Variants in ANKAR observed in about 807,000 individuals in gnomAD.
ANKAR encodes the protein ankyrin and armadillo repeat-containing protein.
ANKAR carries 136 observed loss-of-function variants against 146.2 expected under a neutral mutation model. The ratio of observed to expected loss-of-function variants is 0.93; its 90% CI spans 0.81 to 1.07. ANKAR has a LOEUF of 1.07. Ranked by LOEUF, ANKAR falls within the 50% of genes least tolerant of loss-of-function variation. The probability of loss-of-function intolerance (pLI) is 0.00; values close to 1 mark genes in which losing one functional copy is unlikely to be tolerated. For missense variants in ANKAR, 1,567 were observed against 1,679.9 expected (o/e 0.93, Z 1.18); for synonymous variants, 500 against 575.8 (o/e 0.87, Z 1.88).
At chr2:189,704,853 C>T (rs2038704025) in intron 7 of ANKAR, among the ~76,000 whole-genome samples, 170 bp from the exon 8 acceptor site, 1 of 147,174 alleles carries the variant, frequency 6.8e-6, no homozygotes, top group African/African-American at 2.5e-5. Flanking sequence ...ATTTTTAATC[C>T]TGAGTTAAAT....
At chr2:189,717,088 A>G (rs2040565089) in intron 10 of ANKAR, among the ~76,000 whole-genome samples, 1 of 152,204 alleles carries the variant, frequency 6.6e-6, no homozygotes, top group Non-Finnish European at 1.5e-5. Flanking sequence ...AAATAGACAA[A>G]TGGGATCTAA....
chr2:189,728,701 C>T lies in ANKAR; in HGVS notation c.3073C>T (p.His1025Tyr), dbSNP rs2042118406. 6.2e-7 allele frequency: 1 copy of T among 1,613,970 alleles called. No individual in the cohort carries two copies. The highest frequency in any genetic ancestry group is 8.5e-7 in the Non-Finnish European group (1 of 1,179,914). The change falls in exon 15 of 23, where the codon CAT becomes TAT. Residue 1025 changes from histidine (H) to tyrosine (Y), a missense_variant. By Grantham distance (83) the His-to-Tyr change is moderately conservative. Transcript: ENST00000684021. ...AGCTCTAAGTAAGGACAGCAGGATG[C>T]ATCAAAATCAAATATGTGAAGGGAA... ...VIALSKDSRMHQNQICEGNGI... is the reference protein window; with the variant it reads ...VIALSKDSRMYQNQICEGNGI...
intron 12 of ANKAR, among the ~76,000 whole-genome samples, chr2:189,724,816 T>G (rs959795450): frequency 6.6e-5 from 10 of 152,162 alleles, no homozygotes; most frequent in Admixed American, 5.2e-4. Context: ...CACTTTTCTA[T>G]TTAGTTTTGC....
Position 189,677,060 on chromosome 2 carries a change from T to TA in ANKAR, c.573dup (p.Asp192ArgfsTer7). 1 of 1,572,186 alleles carries TA rather than the reference T, an allele frequency of 6.4e-7. No homozygotes were observed. The highest frequency in any genetic ancestry group is 8.6e-7 in the Non-Finnish European group (1 of 1,165,514). On this transcript the variant is annotated frameshift_variant, in exon 2 of 23. Coordinates refer to ENST00000684021, the MANE Select transcript of ANKAR (RefSeq NM_001378068.1). LOFTEE classifies it high-confidence loss of function. Reference sequence around the variant, plus strand: ...ATCCTGATGGAAAACCTCAAACAAATAAAGACATTTTTTCAGAGTTTAGTT... The same window carrying TA: ...ATCCTGATGGAAAACCTCAAACAAATAAAAGACATTTTTTCAGAGTTTAGTT...
intron 18 of ANKAR, chr2:189,755,401 G>A: frequency 1.2e-6 from 2 of 1,612,418 alleles, no homozygotes; most frequent in South Asian, 2.2e-5. Flanking sequence ...TAAATGATAA[G>A]CCCACTCCCA....
intron 12 of ANKAR, among the ~76,000 whole-genome samples, chr2:189,723,389 A>C (rs1193592006): frequency 6.6e-6 from 1 of 152,172 alleles, no homozygotes; most frequent in African/African-American, 2.4e-5. Context: ...TTCTGATTTC[A>C]TATGGTACCC....
At chr2:189,729,097 C>T (rs2042154665) in intron 15 of ANKAR, among the ~76,000 whole-genome samples, 1 of 152,130 alleles carries the variant, frequency 6.6e-6, no homozygotes, top group Admixed American at 6.6e-5. Context: ...TGAAAGCAAT[C>T]TCTTTTTTAA....
At chr2:189,741,667 A>G (rs980094468) in intron 20 of ANKAR, among the ~76,000 whole-genome samples, 1 of 152,188 alleles carries the variant, frequency 6.6e-6, no homozygotes, top group Non-Finnish European at 1.5e-5. Flanking sequence ...TTAGTCATAC[A>G]TATCTGCCAT....
rs2043648502 is a variant in ANKAR, at chr2:189,743,433, A to T, written c.3969A>T (p.Glu1323Asp). The T allele has an allele frequency of 6.2e-7, 1 of 1,613,844 alleles. No homozygotes were observed. Among genetic ancestry groups the T allele is most frequent in the Non-Finnish European group, 8.5e-7 (1 of 1,179,930 alleles). Reference sequence around the variant, plus strand: ...GTATTAACCCAGCATTTTTAAAGGAATTTCAAATGCAACAAACACTGGTGG... The same window carrying T: ...GTATTAACCCAGCATTTTTAAAGGATTTTCAAATGCAACAAACACTGGTGG... ...DASINPAFLK[E>D]FQMQQTLVGL... Residue 1323 changes from glutamate (E) to aspartate (D), a missense_variant, in exon 21 of 23, where the codon GAA becomes GAT. By Grantham distance (45) the Glu-to-Asp change is conservative. Coordinates refer to ENST00000684021, the MANE Select transcript of ANKAR (RefSeq NM_001378068.1).
chr2:189,753,340 A>T (rs1157654435), intron 18 of ANKAR, among the ~76,000 whole-genome samples: 1 of 152,168 alleles, frequency 6.6e-6, no homozygotes, highest in South Asian at 2.1e-4. Context: ...GTAAAATTCC[A>T]TCTATGAATT....
Position 189,743,325 on chromosome 2 carries a change from T to C in ANKAR, c.3861T>C (p.Asn1287=), listed in dbSNP as rs1574765757. The change falls in exon 21 of 23, where the codon AAT becomes AAC. Residue 1287 remains asparagine (N), a synonymous_variant. Transcript: ENST00000684021. ...SALGYLTYNA[N]AFRILLKECR... ...TTGGCTACTTAACATACAATGCAAA[T>C]GCTTTCCGCATCCTATTAAAAGAAT... 1 of 1,614,086 alleles carries C rather than the reference T, an allele frequency of 6.2e-7. No homozygotes were observed. The highest frequency in any genetic ancestry group is 2.2e-5 in the East Asian group (1 of 44,864).
In ANKAR at chr2:189,676,624, A is replaced by G; in HGVS notation, c.134A>G (p.Glu45Gly). The G allele has an allele frequency of 1.2e-6, 2 of 1,614,108 alleles. No homozygotes were observed. The highest frequency in any genetic ancestry group is 1.7e-6 in the Non-Finnish European group (2 of 1,180,002). ...FEKYDRSEIQELLTTALVSWL... is the reference protein window; with the variant it reads ...FEKYDRSEIQGLLTTALVSWL... The stretch of plus-strand genomic sequence containing the variant: ...AAATATGATCGGAGTGAAATACAAG[A>G]GTTACTAACTACTGCACTAGTTAGC... Residue 45 changes from glutamate (E) to glycine (G), a missense_variant, in exon 2 of 23, where the codon GAG becomes GGG. Transcript: ENST00000684021.
At chr2:189,737,962 C>A in intron 18 of ANKAR, 121 bp downstream of exon 18, 1 of 883,388 alleles carries the variant, frequency 1.1e-6, no homozygotes, top group Non-Finnish European at 1.6e-6. Flanking sequence ...TAGTACTTTG[C>A]ACATAAGCCC....
intron 8 of ANKAR, among the ~76,000 whole-genome samples, chr2:189,706,444 G>C (rs1010278020): frequency 2.0e-5 from 3 of 151,990 alleles, no homozygotes; most frequent in Non-Finnish European, 4.4e-5. Flanking sequence ...TATTGCACTG[G>C]ATAGCCAAAC....
chr2:189,740,981 A>T (rs2043281117), intron 19 of ANKAR, among the ~76,000 whole-genome samples: 1 of 152,242 alleles, frequency 6.6e-6, no homozygotes, highest in African/African-American at 2.4e-5. Context: ...GGTGTGGGCC[A>T]CCACGCCCGG....
rs924965432 is a variant in ANKAR at position 189,727,908 on chromosome 2, T to C, written c.2688T>C (p.Asn896=). 1.2e-6 allele frequency: 2 copies of C among 1,613,998 alleles called. No homozygotes were observed. Among genetic ancestry groups the C allele is most frequent in the African/African-American group, 2.7e-5 (2 of 75,032 alleles). The change falls in exon 13 of 23, where the codon AAT becomes AAC. Residue 896 remains asparagine (N), a synonymous_variant. Coordinates refer to ENST00000684021, the MANE Select transcript of ANKAR (RefSeq NM_001378068.1). ...CAATTGCTGAGGTTGGGCGTGACAA[T>C]AAGGAAATTCAGGATGCTATAGCTA... ...SAAIAEVGRD[N]KEIQDAIAME... is the part of the protein sequence containing the mutation.
At chr2:189,710,736 AG>A (rs1293957159) in intron 9 of ANKAR, among the ~76,000 whole-genome samples, 2 of 152,226 alleles carry the variant, frequency 1.3e-5, no homozygotes, top group African/African-American at 4.8e-5. Flanking sequence ...AGGGAGATCC[AG>A]GCTGCAGTGA....
intron 12 of ANKAR, among the ~76,000 whole-genome samples, chr2:189,723,013 A>T (rs1477639208): frequency 6.6e-6 from 1 of 152,050 alleles, no homozygotes; most frequent in East Asian, 1.9e-4. Context: ...AATTTTAATT[A>T]TTTTTTCCTT....
chr2:189,707,207 T>C (rs959443148), intron 9 of ANKAR, 61 bp downstream of exon 9: 1 of 862,832 alleles, frequency 1.2e-6, no homozygotes, highest in Middle Eastern at 3.8e-4. Flanking sequence ...TTATTGATAC[T>C]CTGAAAGAGA....
Sources: allele counts gnomAD v4.1 joint callset (sites outside exome capture counted in the v4.1 genomes callset), GRCh38; gene constraint gnomAD v4.1.1; transcripts MANE v1.5; gene names NCBI Gene and HGNC (gene_info 2026-07-23, HGNC 2026-07-21).